Variants in ECE1 observed in about 807,000 individuals in gnomAD.
The protein encoded by ECE1 is endothelin converting enzyme 1.
ECE1 carries 35 observed loss-of-function variants against 98.6 expected under a neutral mutation model. The ratio of observed to expected loss-of-function variants is 0.35; its 90% CI spans 0.27 to 0.47. The LOEUF is 0.47. ECE1 is among the 20% of genes least tolerant of loss of function. The probability of loss-of-function intolerance (pLI) is 1.00; values close to 1 mark genes in which losing one functional copy is unlikely to be tolerated. For synonymous variants in ECE1, 394 were observed against 407.1 expected (o/e 0.97, Z 0.39); for missense variants, 814 against 1,025.3 (o/e 0.79, Z 2.81).
At chr1:21,245,153 A>C (rs774698087) in intron 9 of ECE1, 50 bp from the exon 10 acceptor site, 54 of 1,535,136 alleles carry the variant, frequency 3.5e-5, no homozygotes, top group Non-Finnish European at 4.8e-5. Context: ...GGCAGGGAGG[A>C]TTGCGGCCCT....
intron 4 of ECE1, among the ~76,000 whole-genome samples, chr1:21,265,409 G>A (rs551060917): frequency 1.2e-3 from 185 of 152,292 alleles, no homozygotes; most frequent in African/African-American, 4.2e-3. Context: ...GCGGGTGCTT[G>A]TAGTCCCAGC....
chr1:21,258,172 G>A lies in ECE1; in HGVS notation c.762+521C>T, dbSNP rs1298974765. 1.3e-5 allele frequency among the ~76,000 whole-genome samples: 2 copies of A among 152,196 alleles called. No homozygotes were observed. Among genetic ancestry groups the A allele is most frequent in the African/African-American group, 4.8e-5 (2 of 41,440 alleles). ...TTATAAGGTAACTGTAGCTCTGAGA[G>A]GTTGAGGCACTTGCCCAAGGTCACA... On this transcript the variant is annotated intron_variant, in intron 6 of 18. Transcript: ENST00000374893. The surrounding 1 kb of genome is among the most constrained non-coding windows in gnomAD (Gnocchi z 4.2).
At chr1:21,274,037 G>A (rs1475414722) in intron 3 of ECE1, among the ~76,000 whole-genome samples, 1 of 152,256 alleles carries the variant, frequency 6.6e-6, no homozygotes, top group Non-Finnish European at 1.5e-5. Context: ...AGGCTGTGCT[G>A]ATGACCAAAG....
At chr1:21,302,129 G>A (rs983099858) in intron 1 of ECE1, among the ~76,000 whole-genome samples, 2 of 152,228 alleles carry the variant, frequency 1.3e-5, no homozygotes, top group South Asian at 2.1e-4. Flanking sequence ...GACCCAGCGG[G>A]TATTAGGTCT....
chr1:21,241,569 T>C (rs1378828490), intron 10 of ECE1, among the ~76,000 whole-genome samples: 1 of 152,064 alleles, frequency 6.6e-6, no homozygotes, highest in Non-Finnish European at 1.5e-5. Flanking sequence ...ATTACAGGTG[T>C]GTGTCACTAC....
chr1:21,261,315 A>T (rs1442340773), intron 4 of ECE1, among the ~76,000 whole-genome samples: 1 of 152,124 alleles, frequency 6.6e-6, no homozygotes, highest in East Asian at 1.9e-4. Context: ...TGCCTCCTTC[A>T]AAGATCCCTC....
intron 1 of ECE1, among the ~76,000 whole-genome samples, chr1:21,330,253 T>G (rs1639172407): frequency 7.7e-6 from 1 of 129,922 alleles, no homozygotes; most frequent in African/African-American, 2.9e-5. Flanking sequence ...TTTTTTTTTT[T>G]GAGACAGAGT....
In ECE1 at chr1:21,328,579, T is replaced by C. The variant is rs566141976; in HGVS notation, c.3+16797A>G. Among the ~76,000 whole-genome samples, 3 of 152,136 alleles carry C rather than the reference T, an allele frequency of 2.0e-5. No homozygotes were observed. In the South Asian group the frequency reaches 6.2e-4, roughly 32 times the overall value. ...GAGTTCCAGACCAGCCTGGCCAACA[T>C]GGTGAAACCATGTCTCTACTAAGAA... On this transcript the variant is annotated intron_variant, in intron 1 of 18. Transcript: ENST00000415912.
chr1:21,327,186 G>A lies in ECE1; in HGVS notation c.3+18190C>T, dbSNP rs1639097464. Reference sequence around the variant, plus strand: ...AAGCCACCAGGAGACTGGGAAGAGGGACTCTGCCAGAGCAGCTGCCAGGAA... The same window carrying A: ...AAGCCACCAGGAGACTGGGAAGAGGAACTCTGCCAGAGCAGCTGCCAGGAA... On this transcript the variant is annotated intron_variant, in intron 1 of 18. Coordinates refer to the ECE1 transcript ENST00000415912. The surrounding 1 kb of genome is among the most constrained non-coding windows in gnomAD (Gnocchi z 4.6). Among the ~76,000 whole-genome samples, 1 of 152,196 alleles carries A rather than the reference G, an allele frequency of 6.6e-6. No individual in the cohort carries two copies. Among genetic ancestry groups the A allele is most frequent in the Admixed American group, 6.5e-5 (1 of 15,284 alleles).
At chr1:21,321,021 C>T (rs917471403) in intron 1 of ECE1, among the ~76,000 whole-genome samples, 4 of 152,200 alleles carry the variant, frequency 2.6e-5, no homozygotes, top group Admixed American at 1.3e-4. Context: ...TGCCAGGCAC[C>T]GCGCAGATAT....
At chr1:21,224,281 G>A (rs774082458) in intron 17 of ECE1, among the ~76,000 whole-genome samples, 4 of 152,128 alleles carry the variant, frequency 2.6e-5, no homozygotes, top group Admixed American at 6.6e-5. Context: ...CTTCGCCCCA[G>A]TTTATATTCG....
At position 21,227,190 on chromosome 1, in the gene ECE1, G is replaced by A; in HGVS notation, c.1818C>T (p.Gly606=). 6.2e-7 allele frequency: 1 copy of A among 1,614,146 alleles called. No individual in the cohort carries two copies. Among genetic ancestry groups the A allele is most frequent in the Non-Finnish European group, 8.5e-7 (1 of 1,180,004 alleles). ...LNFGGIGVVV[G]HELTHAFDDQ... ...CATCAAAAGCATGAGTCAGCTCATG[G>A]CCCACGACGACACCTATGCCACCAA... Residue 606 remains glycine, a synonymous_variant, in exon 16 of 19, where the codon GGC becomes GGT. Transcript: ENST00000374893.
intron 10 of ECE1, among the ~76,000 whole-genome samples, chr1:21,244,309 G>A (rs1306404545): frequency 6.6e-6 from 1 of 152,202 alleles, no homozygotes; most frequent in Non-Finnish European, 1.5e-5. Flanking sequence ...GGCTCTCGGG[G>A]TACAGACCCC....
intron 1 of ECE1, among the ~76,000 whole-genome samples, chr1:21,301,367 G>A (rs1160931139): frequency 3.3e-5 from 5 of 152,122 alleles, no homozygotes; most frequent in South Asian, 2.1e-4. Flanking sequence ...GGTGGCGGGC[G>A]CCTGTAGTCC....
rs530729157 is a variant in ECE1, at chr1:21,253,079, C to T, written c.1020+2868G>A. Reference sequence around the variant, plus strand: ...TTTATTTTATTTTATTTTTTTGAGACGGAGTCTCGCTCTGTCACCCAAGCT... The same window carrying T: ...TTTATTTTATTTTATTTTTTTGAGATGGAGTCTCGCTCTGTCACCCAAGCT... On this transcript the variant is annotated intron_variant, in intron 8 of 18. Coordinates refer to ENST00000374893, the MANE Select transcript of ECE1 (RefSeq NM_001397.3). 1.5e-4 allele frequency among the ~76,000 whole-genome samples: 22 copies of T among 150,852 alleles called. No individual in the cohort carries two copies. The South Asian group carries it at 1.7e-3, about 11-fold the overall frequency.
chr1:21,326,919 C>A (rs564885752), intron 1 of ECE1, among the ~76,000 whole-genome samples: 10 of 152,282 alleles, frequency 6.6e-5, no homozygotes, highest in Non-Finnish European at 1.2e-4. Context: ...CCTGGAAACA[C>A]CCCCGCTCCC....
chr1:21,252,143 T>C (rs561823431), intron 8 of ECE1, among the ~76,000 whole-genome samples: 2 of 152,362 alleles, frequency 1.3e-5, no homozygotes, highest in South Asian at 4.1e-4. Context: ...GGTACAGATA[T>C]AAGACGGTGA....
intron 8 of ECE1, among the ~76,000 whole-genome samples, chr1:21,250,820 A>G (rs1238072870): frequency 6.6e-6 from 1 of 152,036 alleles, no homozygotes; most frequent in East Asian, 1.9e-4. Context: ...ATCCTGACTA[A>G]GAGGGTGAAA....
chr1:21,283,277 T>A (rs935051122), intron 2 of ECE1, among the ~76,000 whole-genome samples: 6 of 144,816 alleles, frequency 4.1e-5, no homozygotes, highest in African/African-American at 5.2e-5. Flanking sequence ...TTTTTTTAAA[T>A]TTTTTTTTTT....
Sources: allele counts gnomAD v4.1 joint callset (sites outside exome capture counted in the v4.1 genomes callset), GRCh38; gene constraint gnomAD v4.1.1; non-coding constraint Gnocchi (gnomAD v3.1); transcripts MANE v1.5; gene names NCBI Gene and HGNC (gene_info 2026-07-23, HGNC 2026-07-21).